Variants in MRPS21 observed in about 807,000 individuals in gnomAD.
MRPS21 encodes the protein small ribosomal subunit protein bS21m.
A neutral mutation model predicts 9.9 loss-of-function variants in MRPS21; 8 were observed. That is an observed-to-expected ratio of 0.81 (90% CI 0.47 to 1.45). MRPS21 has a LOEUF of 1.45. MRPS21 is among the 40% of genes most tolerant of loss of function. The pLI is 0.00. For missense variants in MRPS21, 101 were observed against 118.9 expected (o/e 0.85, Z 0.70); for synonymous variants, 40 against 40.3 (o/e 0.99, Z 0.03).
Position 150,307,348 on chromosome 1 carries a change from C to CTTTTTTTT in MRPS21, c.84-685_84-678dup, listed in dbSNP as rs1572154026. Among the ~76,000 whole-genome samples, 26 of 87,516 alleles carry CTTTTTTTT rather than the reference C, an allele frequency of 3.0e-4. 3 individuals are homozygous for CTTTTTTTT. Among genetic ancestry groups the CTTTTTTTT allele is most frequent in the African/African-American group, 5.3e-4 (12 of 22,558 alleles). The allele number at this position is 87,516 out of a possible 152,430, so 57.4% of individuals were successfully genotyped here. On this transcript the variant is annotated intron_variant, in intron 2 of 2. Transcript: ENST00000614145. The stretch of plus-strand genomic sequence containing the variant: ...CAGGCATGAGTCACTGTGCCCAGTC[C>CTTTTTTTT]TTTTTTTTTTTTTTTTTTTTTTCCT...
rs977171434 is a variant in MRPS21, at chr1:150,295,606, G to T, written c.83+1157G>T. On this transcript the variant is annotated intron_variant, in intron 2 of 2. Transcript: ENST00000614145. Reference sequence around the variant, plus strand: ...GTGTGGGACAAAGCTAAAGGAAAAGGTGAATTCAGATTGGCATCCTAGAGA... The same window carrying T: ...GTGTGGGACAAAGCTAAAGGAAAAGTTGAATTCAGATTGGCATCCTAGAGA... Among the ~76,000 whole-genome samples, 10 of 152,258 alleles carry T rather than the reference G, an allele frequency of 6.6e-5. No homozygotes were observed. The East Asian group carries it at 1.9e-3, about 29-fold the overall frequency.
At chr1:150,304,903 T>C in intron 2 of MRPS21, 1 of 276,942 alleles carries the variant, frequency 3.6e-6, no homozygotes, top group Non-Finnish European at 7.2e-6. Flanking sequence ...ATAACAAAAA[T>C]TAGCTGGTGC....
chr1:150,299,575 C>T (rs1277596680), intron 2 of MRPS21, among the ~76,000 whole-genome samples: 1 of 152,114 alleles, frequency 6.6e-6, no homozygotes, highest in Non-Finnish European at 1.5e-5. Flanking sequence ...CTGCCTCAGC[C>T]CCCCGTGTAG....
rs587775743 is a variant in MRPS21 at position 150,296,914 on chromosome 1, G to A, written c.83+2465G>A. On this transcript the variant is annotated intron_variant, in intron 2 of 2. Transcript: ENST00000614145. ...TGGTAGGGTTCTTGAGGACTGAGAG[G>A]GCAAAGGAAAGGGAACCTAGTTCTT... 3.3e-4 allele frequency among the ~76,000 whole-genome samples: 50 copies of A among 152,138 alleles called. 2 individuals are homozygous for A. The South Asian group carries it at 1.0e-2, about 30-fold the overall frequency.
At chr1:150,306,730 G>A (rs1461572299) in intron 2 of MRPS21, among the ~76,000 whole-genome samples, 1 of 152,084 alleles carries the variant, frequency 6.6e-6, no homozygotes, top group Non-Finnish European at 1.5e-5. Context: ...CCTGACCTCA[G>A]GTGATCCGCC....
At chr1:150,304,658 G>C (rs1553858225) in intron 2 of MRPS21, 2 of 205,398 alleles carry the variant, frequency 9.7e-6, no homozygotes, top group Admixed American at 1.3e-4. Flanking sequence ...GGGAGCCTGA[G>C]GCAAGAGAAT....
chr1:150,298,074 C>T (rs764556036), intron 2 of MRPS21, among the ~76,000 whole-genome samples: 15 of 152,134 alleles, frequency 9.9e-5, no homozygotes, highest in Non-Finnish European at 1.3e-4. Context: ...GCTGGGATTA[C>T]AGGCATGCGC....
intron 2 of MRPS21, among the ~76,000 whole-genome samples, chr1:150,297,964 A>C: frequency 1.4e-5 from 2 of 147,436 alleles, no homozygotes; most frequent in Admixed American, 6.8e-5. Context: ...ACAGAGTTTC[A>C]CTCTTATTGC....
chr1:150,296,171 A>G (rs1321002822), intron 2 of MRPS21, among the ~76,000 whole-genome samples: 3 of 152,072 alleles, frequency 2.0e-5, no homozygotes, highest in Admixed American at 6.6e-5. Flanking sequence ...GATGGTCTCA[A>G]TCTCTTGACC....
At position 150,308,332 on chromosome 1, in the gene MRPS21, CAA is replaced by C. The variant is rs1157753324; in HGVS notation, c.*106_*107del. 3 of 1,208,396 alleles carry C rather than the reference CAA, an allele frequency of 2.5e-6. No individual in the cohort carries two copies. The highest frequency in any genetic ancestry group is 3.4e-6 in the Non-Finnish European group (3 of 881,652). The allele number at this position is 1,208,396 out of a possible 1,614,324, so 74.9% of individuals were successfully genotyped here. A position where few individuals can be genotyped will look rare whatever the true frequency, so the allele number is the denominator to read the frequency against. On this transcript the variant is annotated 3_prime_UTR_variant, in exon 3 of 3. Coordinates refer to ENST00000614145, the MANE Select transcript of MRPS21 (RefSeq NM_031901.6). The stretch of plus-strand genomic sequence containing the variant: ...CTATTACCATTCTCTGCAATAAACT[CAA>C]ATCACATGTCTGCAAGAAGGCCTCC...
intron 2 of MRPS21, among the ~76,000 whole-genome samples, chr1:150,302,520 G>T (rs587710589): frequency 6.6e-6 from 1 of 152,120 alleles, no homozygotes; most frequent in Non-Finnish European, 1.5e-5. Flanking sequence ...TGGCTACACT[G>T]ACATGTGAGT....
chr1:150,300,578 T>C (rs188492390), intron 2 of MRPS21, among the ~76,000 whole-genome samples: 20 of 152,370 alleles, frequency 1.3e-4, no homozygotes, highest in Admixed American at 1.1e-3. Flanking sequence ...TCTGCTACTA[T>C]AAGCAAACAT....
At chr1:150,294,850 A>G (rs1233380182) in intron 2 of MRPS21, among the ~76,000 whole-genome samples, 1 of 146,406 alleles carries the variant, frequency 6.8e-6, no homozygotes, top group Non-Finnish European at 1.5e-5. Context: ...GTGAGCCAAG[A>G]TCGAGCCACT....
Position 150,307,579 on chromosome 1 carries a change from ATTT to A in MRPS21, c.84-463_84-461del, listed in dbSNP as rs587662597. On this transcript the variant is annotated intron_variant, in intron 2 of 2. Coordinates refer to ENST00000614145, the MANE Select transcript of MRPS21 (RefSeq NM_031901.6). ...TGCCGTGTTGCCCATGCTGAACAAT[ATTT>A]TTTTTCTTTTTTGAGACAGGGTCTT... Among the ~76,000 whole-genome samples, 1,347 of 150,626 alleles carry A rather than the reference ATTT, an allele frequency of 8.9e-3. 16 individuals are homozygous for A. Among genetic ancestry groups the A allele is most frequent in the Non-Finnish European group, 0.012 (793 of 67,598 alleles).
intron 2 of MRPS21, chr1:150,301,321 G>C (rs1654119569): frequency 3.4e-6 from 1 of 290,952 alleles, no homozygotes; most frequent in Admixed American, 4.1e-5. Context: ...GGGGACGAGA[G>C]CGAGACTTCG....
intron 2 of MRPS21, among the ~76,000 whole-genome samples, chr1:150,294,906 G>C (rs201785663): frequency 1.2e-5 from 1 of 80,334 alleles, no homozygotes; most frequent in Non-Finnish European, 2.4e-5. Flanking sequence ...CAAAAAAAAA[G>C]AAAAAAAGTT....
rs1553858158 is a variant in MRPS21, at chr1:150,304,309, T to TCA, written c.84-3739_84-3738insCA. 370 of 109,048 alleles carry TCA rather than the reference T, an allele frequency of 3.4e-3. 1 individual carries two copies. The highest frequency in any genetic ancestry group is 5.2e-3 in the South Asian group (28 of 5,404). 6.8% of individuals were successfully genotyped at this position (109,048 alleles called of 1,614,324 possible). Reference sequence around the variant, plus strand: ...CTGGGCAACAGAGCGAGGCCCTGCCTACAAAAAAAAAAAAATGGTGCCATG... The same window carrying TCA: ...CTGGGCAACAGAGCGAGGCCCTGCCTCAACAAAAAAAAAAAAATGGTGCCATG... On this transcript the variant is annotated intron_variant, in intron 2 of 2. Coordinates refer to ENST00000614145, the MANE Select transcript of MRPS21 (RefSeq NM_031901.6).
chr1:150,294,600 T>G (rs1444673011), intron 2 of MRPS21, 151 bp downstream of exon 2: 11 of 710,748 alleles, frequency 1.5e-5, no homozygotes, highest in Non-Finnish European at 2.6e-5. Flanking sequence ...GTTTATTATC[T>G]TAAAAATGAA....
chr1:150,307,845 G>T (rs1373999081), intron 2 of MRPS21, among the ~76,000 whole-genome samples: 1 of 152,122 alleles, frequency 6.6e-6, no homozygotes, highest in Non-Finnish European at 1.5e-5. Flanking sequence ...CAGGGTGGTG[G>T]GATTACAGGC....
Sources: gnomAD v4.1 joint callset for allele counts (sites outside exome capture counted in the v4.1 genomes callset) on GRCh38, gnomAD v4.1.1 for gene constraint, MANE v1.5 for transcripts, NCBI Gene and HGNC (gene_info 2026-07-23, HGNC 2026-07-21) for gene names.